The following UNC13C variants were observed in gnomAD, a reference collection of about 807,000 sequenced individuals.
UNC13C encodes unc-13 homolog C, also known as protein unc-13 homolog C.
UNC13C carries 174 observed loss-of-function variants against 245.4 expected under a neutral mutation model. The observed-to-expected ratio is 0.71, with a 90% CI of 0.63 to 0.80. The LOEUF (loss-of-function observed/expected upper bound fraction) is 0.80. Ranked by LOEUF, UNC13C falls within the 30% of genes least tolerant of loss-of-function variation. The pLI is 0.00. For missense variants in UNC13C, 2,829 were observed against 2,602.9 expected (o/e 1.09, Z -1.89); for synonymous variants, 992 against 895.1 (o/e 1.11, Z -1.93).
chr15:54,453,490 C>T (rs558471386), intron 19 of UNC13C, among the ~76,000 whole-genome samples: 1 of 152,324 alleles, frequency 6.6e-6, no homozygotes, highest in South Asian at 2.1e-4. Context: ...AAATCCATAA[C>T]CTTCAGCTTT....
chr15:54,303,406 T>G (rs7166553), intron 13 of UNC13C, among the ~76,000 whole-genome samples: 2 of 152,042 alleles, frequency 1.3e-5, no homozygotes, highest in East Asian at 3.9e-4. Flanking sequence ...AAAGAAAAGA[T>G]TAAGTTAAAT....
At chr15:54,242,890 A>G (rs553167894) in intron 7 of UNC13C, among the ~76,000 whole-genome samples, 1 of 152,220 alleles carries the variant, frequency 6.6e-6, no homozygotes, top group Non-Finnish European at 1.5e-5. Context: ...GTTACATAAA[A>G]GGACAGTTAC....
intron 2 of UNC13C, among the ~76,000 whole-genome samples, chr15:54,019,811 G>T (rs915790896): frequency 6.6e-6 from 1 of 152,132 alleles, no homozygotes; most frequent in Non-Finnish European, 1.5e-5. Context: ...TAATCTGGCT[G>T]GTTGTTAGAA....
At chr15:54,193,827 T>C (rs538763129) in intron 4 of UNC13C, among the ~76,000 whole-genome samples, 36 of 152,146 alleles carry the variant, frequency 2.4e-4, no homozygotes, top group South Asian at 4.1e-4. Flanking sequence ...ATGGATTTGA[T>C]TTATCACACT....
In UNC13C at chr15:54,396,554, G is replaced by A. The variant is rs117281502; in HGVS notation, c.4847+3373G>A. On this transcript the variant is annotated intron_variant, in intron 18 of 32. Coordinates refer to ENST00000260323, the MANE Select transcript of UNC13C (RefSeq NM_001080534.3). ...TAAAATTTGTACTTTTTCAAGATTA[G>A]GTTGCTATGAATATTTGTTTACAAG... is the stretch of plus-strand genomic sequence containing the variant. Among the ~76,000 whole-genome samples, 23 of 151,500 alleles carry A rather than the reference G, an allele frequency of 1.5e-4. No individual in the cohort carries two copies. The East Asian group carries it at 4.3e-3, about 28-fold the overall frequency.
At chr15:54,581,384 G>A (rs1435553562) in intron 30 of UNC13C, among the ~76,000 whole-genome samples, 2 of 152,168 alleles carry the variant, frequency 1.3e-5, no homozygotes, top group African/African-American at 4.8e-5. Context: ...AAGACTGAGT[G>A]GCTTAAACAC....
chr15:54,014,570 T>C lies in UNC13C; in HGVS notation c.1667T>C (p.Leu556Ser), dbSNP rs752809269. ...CGTTCTGAATCAGATTTTTCCAAAT[T>C]GTGTCAGTCTTACTCAGAAGATTTT... ...LSRSESDFSK[L>S]CQSYSEDFSE... is the part of the protein sequence containing the mutation. The change falls in exon 2 of 33, where the codon TTG becomes TCG. Residue 556 changes from leucine to serine, a missense_variant. Physicochemically the swap from Leu to Ser is moderately radical, Grantham distance 145 (BLOSUM62 -2). Transcript: ENST00000260323. The C allele has an allele frequency of 3.1e-6, 5 of 1,613,690 alleles. No homozygotes were observed. The South Asian group carries it at 3.3e-5, about 11-fold the overall frequency.
chr15:54,519,144 ATTC>A (rs971476862), intron 24 of UNC13C, among the ~76,000 whole-genome samples: 1 of 151,930 alleles, frequency 6.6e-6, no homozygotes, highest in African/African-American at 2.4e-5. Flanking sequence ...GATTTCAGAA[ATTC>A]TTTTTTTTTC....
At chr15:54,269,042 T>TTAAATTTTTTG (rs2036618556) in intron 10 of UNC13C, among the ~76,000 whole-genome samples, 2 of 151,012 alleles carry the variant, frequency 1.3e-5, no homozygotes, top group African/African-American at 4.9e-5. Flanking sequence ...TTCTTTTTTT[T>TTAAATTTTTTG]TTTAATTTTT....
chr15:54,143,658 A>C lies in UNC13C; in HGVS notation c.3045A>C (p.Lys1015Asn). 6.2e-7 allele frequency: 1 copy of C among 1,613,234 alleles called. No individual in the cohort carries two copies. Among genetic ancestry groups the C allele is most frequent in the South Asian group, 1.1e-5 (1 of 91,024 alleles). The change falls in exon 4 of 33, where the codon AAA (lysine) becomes AAC (asparagine). Residue 1015 changes from lysine (K) to asparagine (N), a missense_variant. Lys to Asn is a moderately conservative substitution (Grantham distance 94, BLOSUM62 0). Coordinates refer to ENST00000260323, the MANE Select transcript of UNC13C (RefSeq NM_001080534.3). ...GTGGCAATGATTTGGATGCTTCCAA[A>C]TTTTCTGCACTCCAGGTGTGTGGTG... Reference protein sequence around the residue: ...IVSGNDLDASKFSALQVCGGA... With the variant: ...IVSGNDLDASNFSALQVCGGA...
At chr15:54,156,681 C>T (rs1234725112) in intron 4 of UNC13C, among the ~76,000 whole-genome samples, 1 of 151,790 alleles carries the variant, frequency 6.6e-6, no homozygotes, top group Admixed American at 6.6e-5. Context: ...TCCAGTGTGA[C>T]ATCTGCAAAA....
the UNC13C span, among the ~76,000 whole-genome samples, chr15:53,960,446 G>A: frequency 6.6e-5 from 10 of 151,616 alleles, no homozygotes; most frequent in Admixed American, 6.6e-4. Flanking sequence ...CTTGTTCAAA[G>A]TTTTATTACC....
chr15:53,939,825 G>C, the UNC13C span, among the ~76,000 whole-genome samples: 2 of 152,100 alleles, frequency 1.3e-5, no homozygotes, highest in Non-Finnish European at 2.9e-5. Flanking sequence ...GAGAGAGAGA[G>C]AGAGAGAGAC....
intron 2 of UNC13C, among the ~76,000 whole-genome samples, chr15:54,087,031 G>A (rs992600009): frequency 1.3e-5 from 2 of 152,004 alleles, no homozygotes; most frequent in African/African-American, 4.8e-5. Context: ...ACTGCACCTG[G>A]CCTTTTGCTT....
intron 4 of UNC13C, among the ~76,000 whole-genome samples, chr15:54,206,075 T>C (rs1438248597): frequency 6.6e-6 from 1 of 152,092 alleles, no homozygotes; most frequent in Non-Finnish European, 1.5e-5. Context: ...ATAGTATTAA[T>C]GCATAAGAGA....
At position 54,015,109 on chromosome 15, in the gene UNC13C, G is replaced by T; in HGVS notation, c.2206G>T (p.Gly736Cys). The T allele has an allele frequency of 6.2e-7, 1 of 1,612,592 alleles. No individual in the cohort carries two copies. ...TAATGAACCACAAGGCCAGTGGGTT[G>T]GCCAATATGATTCTTATCAGGGAGC... ...LDNEPQGQWV[G>C]QYDSYQGANS... The change falls in exon 2 of 33, where the codon GGC becomes TGC. Residue 736 changes from glycine (G) to cysteine (C), a missense_variant. Gly to Cys is a radical substitution (Grantham distance 159, BLOSUM62 -3). Transcript: ENST00000260323.
At chr15:54,358,745 C>A (rs1596278193) in intron 17 of UNC13C, among the ~76,000 whole-genome samples, 1 of 152,048 alleles carries the variant, frequency 6.6e-6, no homozygotes, top group Non-Finnish European at 1.5e-5. Flanking sequence ...TATTTTTAAT[C>A]ATGCTGTCCT....
intron 2 of UNC13C, among the ~76,000 whole-genome samples, chr15:54,139,188 G>A (rs1197760834): frequency 6.6e-6 from 1 of 151,632 alleles, no homozygotes; most frequent in Admixed American, 6.6e-5. Flanking sequence ...TCAGACTCCT[G>A]ACCTCATGAT....
chr15:54,143,810 A>T, intron 4 of UNC13C, 126 bp downstream of exon 4: 1 of 609,988 alleles, frequency 1.6e-6, no homozygotes, highest in East Asian at 2.8e-5. Flanking sequence ...TTCATTTTAC[A>T]ATAAAGTTGA....
Sources: gnomAD v4.1 joint callset for allele counts (sites outside exome capture counted in the v4.1 genomes callset) on GRCh38, gnomAD v4.1.1 for gene constraint, MANE v1.5 for transcripts, NCBI Gene and HGNC (gene_info 2026-07-23, HGNC 2026-07-21) for gene names.